Variants in DCHS2 observed in about 807,000 individuals in gnomAD.
DCHS2 encodes dachsous cadherin-related 2, also known as protocadherin-23.
In DCHS2, 142 loss-of-function variants were observed where a neutral mutation model predicts 182.4. The observed-to-expected ratio is 0.78, with a 90% CI of 0.68 to 0.89. The LOEUF is 0.89. Ranked by LOEUF, DCHS2 falls within the 40% of genes least tolerant of loss-of-function variation. DCHS2 has a pLI of 0.00. For synonymous variants in DCHS2, 1,740 were observed against 1,663.3 expected (o/e 1.05, Z -1.12); for missense variants, 4,319 against 4,198.6 (o/e 1.03, Z -0.79).
chr4:154,372,649 G>C (rs906646952), intron 2 of DCHS2, among the ~76,000 whole-genome samples: 2 of 152,140 alleles, frequency 1.3e-5, no homozygotes, highest in Non-Finnish European at 2.9e-5. Context: ...CAAAAAATTA[G>C]ATATAAGCAT....
rs780369497 is a variant in DCHS2 at position 154,298,358 on chromosome 4, A to G, written c.5956T>C (p.Ser1986Pro). 1.2e-6 allele frequency: 2 copies of G among 1,614,180 alleles called. No individual in the cohort carries two copies. Among genetic ancestry groups the G allele is most frequent in the South Asian group, 1.1e-5 (1 of 91,080 alleles). ...GTGTTGCTGGTTTTCAATGTGCCTG[A>G]CATAGGATCAATGGTGAATGCACCA... is the stretch of plus-strand genomic sequence containing the variant. ...ASGAFTIDPM[S>P]GTLKTSNTLD... The change falls in exon 13 of 20, where the codon TCA becomes CCA. Residue 1986 changes from serine to proline, a missense_variant. By Grantham distance (74) the Ser-to-Pro change is moderately conservative. Coordinates refer to ENST00000357232, the MANE Select transcript of DCHS2 (RefSeq NM_001358235.2).
intron 3 of DCHS2, among the ~76,000 whole-genome samples, chr4:154,338,416 TA>T (rs1728913269): frequency 6.6e-6 from 1 of 152,202 alleles, no homozygotes; most frequent in East Asian, 1.9e-4. Flanking sequence ...TAATACTACC[TA>T]AAATCACTAA....
intron 3 of DCHS2, among the ~76,000 whole-genome samples, chr4:154,346,050 C>T (rs985367308): frequency 3.3e-5 from 5 of 152,188 alleles, no homozygotes; most frequent in Non-Finnish European, 5.9e-5. Context: ...GAAGCAAGCT[C>T]TAGTCCCTCT....
intron 13 of DCHS2, among the ~76,000 whole-genome samples, chr4:154,292,017 T>A (rs999000814): frequency 1.3e-5 from 2 of 152,210 alleles, no homozygotes; most frequent in Non-Finnish European, 1.5e-5. Flanking sequence ...TAGCCTGATG[T>A]GATTATTACA....
chr4:154,376,079 C>T (rs2110802289), intron 2 of DCHS2, among the ~76,000 whole-genome samples: 1 of 151,804 alleles, frequency 6.6e-6, no homozygotes, highest in South Asian at 2.1e-4. Context: ...GGGATGGGGG[C>T]ATGGAGGGGT....
rs769504815 is a variant in DCHS2, at chr4:154,235,274, G to A, written c.9378C>T (p.His3126=). Residue 3126 remains histidine, a synonymous_variant, in exon 20 of 20, where the codon CAC becomes CAT. Transcript: ENST00000357232. Reference sequence around the variant, plus strand: ...TACCCGAGTCTGGCACCCTGGACTCGTGGTCACTCAGAGCTGAGTCTGAGC... The same window carrying A: ...TACCCGAGTCTGGCACCCTGGACTCATGGTCACTCAGAGCTGAGTCTGAGC... ...RKCSDSALSD[H]ESRVPDSGIP... is the part of the protein sequence containing the mutation. The A allele has an allele frequency of 3.2e-5, 52 of 1,613,968 alleles. No individual in the cohort carries two copies. The Admixed American group carries it at 4.8e-4, about 15-fold the overall frequency.
intron 16 of DCHS2, among the ~76,000 whole-genome samples, chr4:154,247,677 T>TAAAAAA (rs1732146279): frequency 6.9e-6 from 1 of 144,080 alleles, no homozygotes; most frequent in African/African-American, 2.8e-5. Flanking sequence ...AAAAAAGAAT[T>TAAAAAA]AGAATGGCAC....
intron 1 of DCHS2, among the ~76,000 whole-genome samples, chr4:154,483,262 A>G (rs1735990248): frequency 6.6e-6 from 1 of 152,230 alleles, no homozygotes; most frequent in African/African-American, 2.4e-5. Context: ...AAGAGAAAAG[A>G]AAGAGCAAGT....
intron 1 of DCHS2, among the ~76,000 whole-genome samples, chr4:154,390,211 C>T (rs953470336): frequency 1.3e-5 from 2 of 150,154 alleles, no homozygotes; most frequent in Non-Finnish European, 3.0e-5. Flanking sequence ...GTGCGCTGCA[C>T]CCACTAACTC....
intron 1 of DCHS2, among the ~76,000 whole-genome samples, chr4:154,441,504 C>T (rs369206857): frequency 6.6e-6 from 1 of 151,948 alleles, no homozygotes; most frequent in Non-Finnish European, 1.5e-5. Flanking sequence ...TGGTAAAGCT[C>T]TTTGTATTTG....
At chr4:154,326,363 C>G (rs892295710) in intron 7 of DCHS2, among the ~76,000 whole-genome samples, 2 of 152,258 alleles carry the variant, frequency 1.3e-5, no homozygotes, top group East Asian at 1.9e-4. Context: ...GGTTACTGGA[C>G]TATAATTATC....
In DCHS2 at chr4:154,320,581, T is replaced by G. The variant is rs1578959965; in HGVS notation, c.4818A>C (p.Ala1606=). 1 of 1,614,148 alleles carries G rather than the reference T, an allele frequency of 6.2e-7. No homozygotes were observed. Among genetic ancestry groups the G allele is most frequent in the East Asian group, 2.2e-5 (1 of 44,878 alleles). ...VTDRRLRSLT[A]QIVILDVNDH... Reference sequence around the variant, plus strand: ...CATTTACATCCAAAATCACTATTTGTGCTGTCAGTGATCTCAGTCGCCGGT... The same window carrying G: ...CATTTACATCCAAAATCACTATTTGGGCTGTCAGTGATCTCAGTCGCCGGT... The change falls in exon 9 of 20, where the codon GCA becomes GCC. Residue 1606 remains alanine (A), a synonymous_variant. Coordinates refer to ENST00000357232, the MANE Select transcript of DCHS2 (RefSeq NM_001358235.2).
chr4:154,308,167 T>A (rs1324712213), intron 10 of DCHS2, among the ~76,000 whole-genome samples: 2 of 151,894 alleles, frequency 1.3e-5, no homozygotes, highest in African/African-American at 4.8e-5. Context: ...CAGTGACCAA[T>A]GACCTTCTGA....
intron 1 of DCHS2, among the ~76,000 whole-genome samples, chr4:154,468,511 C>G (rs530893806): frequency 7.9e-5 from 12 of 152,110 alleles, no homozygotes; most frequent in African/African-American, 2.9e-4. Context: ...CATTAAAATC[C>G]TCACCTGCCA....
intron 1 of DCHS2, among the ~76,000 whole-genome samples, chr4:154,464,378 A>T (rs544587239): frequency 8.3e-4 from 126 of 152,366 alleles, no homozygotes; most frequent in African/African-American, 2.9e-3. Flanking sequence ...GAAAATTCAC[A>T]GCAAGAGATA....
At chr4:154,326,732 C>T (rs7681523) in intron 7 of DCHS2, among the ~76,000 whole-genome samples, 81,491 of 151,808 alleles carry the variant, frequency 0.54, 22,541 homozygotes, top group Admixed American at 0.63. Context: ...GACCCCTACT[C>T]TTTTTAACTG....
At chr4:154,442,533 C>G (rs1221532065) in intron 1 of DCHS2, among the ~76,000 whole-genome samples, 2 of 68,726 alleles carry the variant, frequency 2.9e-5, no homozygotes, top group Admixed American at 1.5e-4. Context: ...GTGGACACCC[C>G]CCCCCCCCCA....
intron 13 of DCHS2, among the ~76,000 whole-genome samples, chr4:154,296,829 C>T (rs1037704017): frequency 5.9e-5 from 9 of 152,068 alleles, no homozygotes; most frequent in East Asian, 3.9e-4. Flanking sequence ...CTTAAGCTTC[C>T]GATAGGCATC....
intron 1 of DCHS2, among the ~76,000 whole-genome samples, chr4:154,412,136 A>T (rs1732657848): frequency 6.6e-6 from 1 of 152,210 alleles, no homozygotes; most frequent in East Asian, 1.9e-4. Context: ...TTATAAGGGA[A>T]ATACAGTTCC....
Sources: allele counts gnomAD v4.1 joint callset (sites outside exome capture counted in the v4.1 genomes callset), GRCh38; gene constraint gnomAD v4.1.1; transcripts MANE v1.5; gene names NCBI Gene and HGNC (gene_info 2026-07-23, HGNC 2026-07-21).